Variants in CFTR observed in about 807,000 individuals in gnomAD.
CFTR encodes the protein cystic fibrosis transmembrane conductance regulator.
In CFTR, 181 loss-of-function variants were observed where a neutral mutation model predicts 171.6. The ratio of observed to expected loss-of-function variants is 1.05; its 90% CI spans 0.93 to 1.19. The LOEUF (loss-of-function observed/expected upper bound fraction) is 1.19. Ranked by LOEUF, CFTR falls within the 50% of genes most tolerant of loss-of-function variation. The probability of loss-of-function intolerance (pLI) is 0.00; values close to 1 mark genes in which losing one functional copy is unlikely to be tolerated. For missense variants in CFTR, 1,968 were observed against 1,734.7 expected (o/e 1.13, Z -2.39); for synonymous variants, 583 against 608.0 (o/e 0.96, Z 0.60).
intron 15 of CFTR, among the ~76,000 whole-genome samples, chr7:117,601,867 TAA>T (rs550292125): frequency 1.1e-3 from 172 of 152,356 alleles, no homozygotes; most frequent in African/African-American, 4.0e-3. Context: ...CACAGTTGTT[TAA>T]AAAGGTTTTT....
At chr7:117,529,542 T>C (rs1798821457) in intron 3 of CFTR, among the ~76,000 whole-genome samples, 1 of 151,014 alleles carries the variant, frequency 6.6e-6, no homozygotes, top group Non-Finnish European at 1.5e-5. Flanking sequence ...AGTTTGAATG[T>C]TTTCTTGCAT....
chr7:117,547,761 A>G (rs543243654), intron 9 of CFTR, among the ~76,000 whole-genome samples: 3 of 152,264 alleles, frequency 2.0e-5, no homozygotes, highest in East Asian at 3.9e-4. Flanking sequence ...AGAAAGTGCA[A>G]CGTAGTGAGA....
At chr7:117,545,518 G>T (rs866762730) in intron 9 of CFTR, among the ~76,000 whole-genome samples, 1 of 152,092 alleles carries the variant, frequency 6.6e-6, no homozygotes, top group Admixed American at 6.6e-5. Context: ...CAAGGTTCTT[G>T]TTCATCACTT....
Position 117,592,425 on chromosome 7 carries a change from G to C in CFTR, c.2258G>C (p.Ser753Thr). ...GGAGAGGCGATACTGCCTCGCATCA[G>C]CGTGATCAGCACTGGCCCCACGCTT... ...EQGEAILPRI[S>T]VISTGPTLQA... Residue 753 changes from serine to threonine, a missense_variant, in exon 14 of 27, where the codon AGC becomes ACC. Transcript: ENST00000003084. 6.2e-7 allele frequency: 1 copy of C among 1,612,470 alleles called. No homozygotes were observed. The highest frequency in any genetic ancestry group is 1.1e-5 in the South Asian group (1 of 90,808).
At chr7:117,624,207 T>C (rs1013682100) in intron 21 of CFTR, among the ~76,000 whole-genome samples, 1 of 152,100 alleles carries the variant, frequency 6.6e-6, no homozygotes, top group Admixed American at 6.6e-5. Flanking sequence ...TTTTGCTGGG[T>C]TCTAAGTGGA....
chr7:117,531,146 A>G (rs764174585), intron 4 of CFTR, 32 bp downstream of exon 4: 5 of 1,498,008 alleles, frequency 3.3e-6, no homozygotes, highest in Non-Finnish European at 4.6e-6. Context: ...CCCATGGCAC[A>G]TATATTCTGT....
At chr7:117,491,378 T>C (rs1798157406) in intron 1 of CFTR, among the ~76,000 whole-genome samples, 1 of 152,044 alleles carries the variant, frequency 6.6e-6, no homozygotes, top group Non-Finnish European at 1.5e-5. Context: ...ATTTCTCTGT[T>C]GATTAGGGCC....
At chr7:117,529,650 A>G (rs1442136608) in intron 3 of CFTR, among the ~76,000 whole-genome samples, 2 of 152,154 alleles carry the variant, frequency 1.3e-5, no homozygotes, top group Non-Finnish European at 1.5e-5. Context: ...TGACAGCTCT[A>G]TATGGGTTAG....
chr7:117,608,842 T>C (rs774913731), intron 18 of CFTR, among the ~76,000 whole-genome samples: 37 of 152,090 alleles, frequency 2.4e-4, no homozygotes, highest in Non-Finnish European at 5.0e-4. Context: ...ATAAATTTTC[T>C]TTTTTTAAAA....
chr7:117,639,698 T>C (rs1792881060), intron 22 of CFTR, among the ~76,000 whole-genome samples: 1 of 152,186 alleles, frequency 6.6e-6, no homozygotes, highest in African/African-American at 2.4e-5. Context: ...TAAATACTTG[T>C]TTGCTTTGTT....
At chr7:117,573,638 T>G (rs933208816) in intron 11 of CFTR, among the ~76,000 whole-genome samples, 2 of 152,176 alleles carry the variant, frequency 1.3e-5, no homozygotes, top group African/African-American at 4.8e-5. Flanking sequence ...TAAGAACTAA[T>G]GATCCAAACA....
At chr7:117,483,071 C>T (rs567961232) in intron 1 of CFTR, among the ~76,000 whole-genome samples, 35 of 152,174 alleles carry the variant, frequency 2.3e-4, no homozygotes, top group African/African-American at 7.2e-4. Context: ...GTCTAAGTCT[C>T]GAGTTTAACA....
At chr7:117,480,282 A>T (rs1797981736) in intron 1 of CFTR, 135 bp downstream of exon 1, 1 of 806,738 alleles carries the variant, frequency 1.2e-6, no homozygotes, top group Non-Finnish European at 2.1e-6. Flanking sequence ...TTTGAAAGAA[A>T]ATGTGGGTAT....
intron 20 of CFTR, among the ~76,000 whole-genome samples, chr7:117,612,052 TAC>T (rs35105447): frequency 0.023 from 1,659 of 70,668 alleles, 256 homozygotes; most frequent in African/African-American, 0.11. Flanking sequence ...TATATATATA[TAC>T]ATATATATAT....
chr7:117,591,968 AT>A lies in CFTR; in HGVS notation c.1805del (p.Leu602TrpfsTer9). On this transcript the variant is annotated frameshift_variant, in exon 14 of 27. Transcript: ENST00000003084. LOFTEE classifies it high-confidence loss of function. ...VCKLMANKTR[I>X]LVTSKMEHLK... ...TAAACTGATGGCTAACAAAACTAGG[AT>A]TTTGGTCACTTCTAAAATGGAACAT... 6.3e-7 allele frequency: 1 copy of A among 1,595,258 alleles called. No individual in the cohort carries two copies. The highest frequency in any genetic ancestry group is 1.2e-5 in the South Asian group (1 of 86,230).
chr7:117,602,718 T>G, intron 15 of CFTR, 108 bp from the exon 16 acceptor site: 51 of 907,256 alleles, frequency 5.6e-5, no homozygotes, highest in Non-Finnish European at 8.8e-5. Flanking sequence ...GTGTGTACCT[T>G]GATATTGGTA....
At chr7:117,562,551 T>C (rs1191514497) in intron 11 of CFTR, among the ~76,000 whole-genome samples, 1 of 152,126 alleles carries the variant, frequency 6.6e-6, no homozygotes, top group Non-Finnish European at 1.5e-5. Context: ...GGTTGGGAAG[T>C]GATTCCACTT....
At chr7:117,618,684 A>G (rs1205217472) in intron 21 of CFTR, among the ~76,000 whole-genome samples, 2 of 152,192 alleles carry the variant, frequency 1.3e-5, no homozygotes, top group Non-Finnish European at 2.9e-5. Flanking sequence ...TCCGTTCAGT[A>G]TCTCCTTAAA....
intron 15 of CFTR, among the ~76,000 whole-genome samples, chr7:117,597,136 T>A (rs1001062692): frequency 6.6e-6 from 1 of 152,164 alleles, no homozygotes; most frequent in Non-Finnish European, 1.5e-5. Context: ...TGCAATAAAT[T>A]TTGCTACTGC....
Sources: gnomAD v4.1 joint callset for allele counts (sites outside exome capture counted in the v4.1 genomes callset) on GRCh38, gnomAD v4.1.1 for gene constraint, MANE v1.5 for transcripts, NCBI Gene and HGNC (gene_info 2026-07-23, HGNC 2026-07-21) for gene names.